The following NDRG2 variants were observed in gnomAD, a reference collection of about 807,000 sequenced individuals.
The protein encoded by NDRG2 is protein NDRG2.
NDRG2 carries 34 observed loss-of-function variants against 58.2 expected under a neutral mutation model. The observed-to-expected ratio is 0.58, with a 90% CI of 0.44 to 0.78. The LOEUF (loss-of-function observed/expected upper bound fraction) is 0.78. Among genes scored for constraint, NDRG2 ranks in the 30% least tolerant of loss-of-function variants. NDRG2 has a pLI of 0.00. For missense variants in NDRG2, 434 were observed against 471.2 expected (o/e 0.92, Z 0.73); for synonymous variants, 187 against 175.9 (o/e 1.06, Z -0.50).
intron 5 of NDRG2, 45 bp downstream of exon 5, chr14:21,022,017 C>G: frequency 6.2e-7 from 1 of 1,614,056 alleles, no homozygotes; most frequent in Non-Finnish European, 8.5e-7. Flanking sequence ...CCGCACCTGT[C>G]CTGTTCCTCA....
rs1877128527 is a variant in NDRG2 at position 21,016,825 on chromosome 14, C to T, written c.*771G>A. On this transcript the variant is annotated 3_prime_UTR_variant, in exon 16 of 16. Transcript: ENST00000556147. Reference sequence around the variant, plus strand: ...GCAGAAGTTGTGGGAGACGGGAGGGCACCCTCCACACATACTACAGTGTGG... The same window carrying T: ...GCAGAAGTTGTGGGAGACGGGAGGGTACCCTCCACACATACTACAGTGTGG... 8.8e-6 allele frequency: 4 copies of T among 454,844 alleles called. No individual in the cohort carries two copies. The highest frequency in any genetic ancestry group is 4.7e-5 in the Admixed American group (2 of 42,416). 28.2% of individuals were successfully genotyped at this position (454,844 alleles called of 1,614,324 possible). A position where few individuals can be genotyped will look rare whatever the true frequency, so the allele number is the denominator to read the frequency against.
At chr14:21,047,192 C>T (rs1885218403) in intron 1 of NDRG2, among the ~76,000 whole-genome samples, 2 of 152,094 alleles carry the variant, frequency 1.3e-5, no homozygotes, top group South Asian at 4.1e-4. Context: ...ATAATAGCAT[C>T]TTTCTTAAAA....
chr14:21,023,885 C>G, intron 1 of NDRG2, 145 bp downstream of exon 1: 1 of 806,350 alleles, frequency 1.2e-6, no homozygotes, highest in South Asian at 5.6e-5. Flanking sequence ...TCTGTCCAAC[C>G]AACCCAATGC....
At chr14:21,057,961 C>T (rs757370766) in intron 1 of NDRG2, 2 of 1,614,050 alleles carry the variant, frequency 1.2e-6, no homozygotes, top group Non-Finnish European at 1.7e-6. Flanking sequence ...TGGCAGAGGT[C>T]CTAGTCAGAG....
At chr14:21,018,118 G>C in intron 14 of NDRG2, 80 bp from the exon 15 acceptor site, 1 of 1,601,344 alleles carries the variant, frequency 6.2e-7, no homozygotes, top group Non-Finnish European at 8.6e-7. Context: ...CGGCACTGTG[G>C]GGCCGGGTGT....
upstream of NDRG2, among the ~76,000 whole-genome samples, chr14:21,029,511 C>T (rs533232893): frequency 5.8e-4 from 88 of 152,266 alleles, no homozygotes; most frequent in African/African-American, 2.0e-3. Flanking sequence ...GCATGAGAGT[C>T]GCTTGAATCC....
chr14:21,039,292 C>CACA (rs796361265), intron 1 of NDRG2, among the ~76,000 whole-genome samples: 85 of 152,340 alleles, frequency 5.6e-4, no homozygotes, highest in African/African-American at 1.9e-3. Flanking sequence ...TAAACACACA[C>CACA]ACAACAGCCT....
At chr14:21,031,940 T>G in intron 1 of NDRG2, 2 of 1,614,004 alleles carry the variant, frequency 1.2e-6, no homozygotes, top group Middle Eastern at 3.3e-4. Context: ...CACCAGCAAG[T>G]ACACCGGCAC....
At chr14:21,045,236 T>G (rs941122376) in intron 1 of NDRG2, among the ~76,000 whole-genome samples, 15 of 151,932 alleles carry the variant, frequency 9.9e-5, no homozygotes, top group African/African-American at 3.4e-4. Context: ...GGCAGCCAGG[T>G]TGTCTGAGAT....
chr14:21,035,552 T>TCCTCTTAGGAGAG (rs1180613804), intron 1 of NDRG2, among the ~76,000 whole-genome samples: 1 of 152,184 alleles, frequency 6.6e-6, no homozygotes, highest in Non-Finnish European at 1.5e-5. Context: ...ATTTGGGGCC[T>TCCTCTTAGGAGAG]CCTCTTAGGA....
chr14:21,021,374 G>A, intron 6 of NDRG2: 1 of 326,342 alleles, frequency 3.1e-6, no homozygotes, highest in Non-Finnish European at 6.0e-6. Context: ...ACCTCCCTCT[G>A]AATACCAAAG....
intron 6 of NDRG2, chr14:21,021,506 C>A: frequency 2.6e-6 from 1 of 390,030 alleles, no homozygotes; most frequent in Admixed American, 3.8e-5. Flanking sequence ...TATCTGGTTC[C>A]TCAGGGATTA....
At chr14:21,033,642 ATAGC>A in intron 1 of NDRG2, 1 of 617,936 alleles carries the variant, frequency 1.6e-6, no homozygotes, top group Non-Finnish European at 2.9e-6. Context: ...AACCTAGAAG[ATAGC>A]ACCACTTTGC....
intron 1 of NDRG2, among the ~76,000 whole-genome samples, chr14:21,057,503 G>A (rs1375653805): frequency 6.6e-6 from 1 of 151,870 alleles, no homozygotes; most frequent in South Asian, 2.1e-4. Context: ...ACCTGGGAGT[G>A]TGGGAAGAAT....
chr14:21,019,536 T>C, intron 10 of NDRG2, 103 bp downstream of exon 10: 1 of 753,232 alleles, frequency 1.3e-6, no homozygotes. Context: ...CCTTGCACAT[T>C]GCACACTACC....
In NDRG2 at chr14:21,057,618, C is replaced by CATATATATATATATAT. The variant is rs57420807; in HGVS notation, c.24+13194_24+13209dup. On this transcript the variant is annotated intron_variant, in intron 1 of 14. Coordinates refer to the NDRG2 transcript ENST00000403829. ...TAACTTTCCTGAGCCTCATTTTATT[C>CATATATATATATATAT]ATATATATATATATATATGTGAGAA... Among the ~76,000 whole-genome samples the CATATATATATATATAT allele has an allele frequency of 4.5e-3, 557 of 122,876 alleles. 34 individuals are homozygous for CATATATATATATATAT. The highest frequency in any genetic ancestry group is 0.017 in the African/African-American group (503 of 29,854). The allele number at this position is 122,876 out of a possible 152,430, so 80.6% of individuals were successfully genotyped here. A position where few individuals can be genotyped will look rare whatever the true frequency, so the allele number is the denominator to read the frequency against.
chr14:21,056,056 T>C (rs80083923), intron 1 of NDRG2, among the ~76,000 whole-genome samples: 6 of 152,172 alleles, frequency 3.9e-5, no homozygotes, highest in Non-Finnish European at 7.3e-5. Context: ...TTGCCTGAGA[T>C]GACAAACATC....
chr14:21,034,908 C>T (rs994381153), intron 1 of NDRG2: 2 of 152,482 alleles, frequency 1.3e-5, no homozygotes, highest in Non-Finnish European at 2.9e-5. Flanking sequence ...GGAACACTTA[C>T]TTCCAATCTC....
chr14:21,063,740 T>C (rs747454268), intron 1 of NDRG2, among the ~76,000 whole-genome samples: 11 of 152,210 alleles, frequency 7.2e-5, no homozygotes, highest in Non-Finnish European at 1.5e-4. Flanking sequence ...TAAATGTTCA[T>C]TTAACAAAAT....
Sources: allele counts gnomAD v4.1 joint callset (sites outside exome capture counted in the v4.1 genomes callset), GRCh38; gene constraint gnomAD v4.1.1; transcripts MANE v1.5; gene names NCBI Gene and HGNC (gene_info 2026-07-23, HGNC 2026-07-21).